The following CPXCR1 variants were observed in gnomAD, a reference collection of about 807,000 sequenced individuals.
The protein encoded by CPXCR1 is CPX chromosomal region candidate gene 1 protein.
CPXCR1 carries 15 observed loss-of-function variants against 13.8 expected under a neutral mutation model. The ratio of observed to expected loss-of-function variants is 1.09; its 90% CI spans 0.73 to 1.67. CPXCR1 has a LOEUF of 1.67. CPXCR1 is among the 40% of genes most tolerant of loss of function. CPXCR1 has a pLI of 0.00. For synonymous variants in CPXCR1, 70 were observed against 76.7 expected (o/e 0.91, Z 0.46); for missense variants, 247 against 223.6 (o/e 1.10, Z -0.67).
In CPXCR1 at chrX:88,747,246, G is replaced by C. The variant is rs770074695; in HGVS notation, c.-238G>C. On this transcript the variant is annotated 5_prime_UTR_variant, in exon 1 of 3. Transcript: ENST00000276127. ...AAACAGGAGTAAGTGGAGAGGTAGA[G>C]GGCAGAAGAAAAGGGGTCAAGAAGG... is the stretch of plus-strand genomic sequence containing the variant. The C allele has an allele frequency of 8.9e-6, 1 of 112,008 alleles. No individual in the cohort carries two copies. Among genetic ancestry groups the C allele is most frequent in the African/African-American group, 3.2e-5 (1 of 30,800 alleles). The allele number at this position is 112,008 out of a possible 1,213,427, so 9.2% of individuals were successfully genotyped here.
chrX:88,750,784 T>C (rs773297660), intron 2 of CPXCR1, among the ~76,000 whole-genome samples: 1 of 111,894 alleles, frequency 8.9e-6, no homozygotes, highest in African/African-American at 3.2e-5. Flanking sequence ...ATTCGACTTC[T>C]TCCTGGTTTA....
At chrX:88,752,148 C>G (rs187178247) in intron 2 of CPXCR1, among the ~76,000 whole-genome samples, 1 of 111,800 alleles carries the variant, frequency 8.9e-6, no homozygotes, top group Non-Finnish European at 1.9e-5. Context: ...GTTCAAAGTC[C>G]TCTCATAGAG....
rs375625114 is a variant in CPXCR1, at chrX:88,754,013, C to T, written c.599C>T (p.Ser200Leu). The T allele has an allele frequency of 2.5e-5, 30 of 1,207,838 alleles. No individual in the cohort carries two copies. The highest frequency in any genetic ancestry group is 2.2e-4 in the Admixed American group (10 of 45,494). Residue 200 changes from serine (S) to leucine (L), a missense_variant, in exon 3 of 3, where the codon TCG becomes TTG. By Grantham distance (145) the Ser-to-Leu change is moderately radical. Coordinates refer to ENST00000276127, the MANE Select transcript of CPXCR1 (RefSeq NM_033048.6). ...HERAITFRRP[S>L]RVHYYRPLTE... is the part of the protein sequence containing the mutation. The stretch of plus-strand genomic sequence containing the variant: ...AGAGCCATAACATTTAGAAGGCCTT[C>T]GAGGGTGCACTACTACCGTCCCCTC...
At chrX:88,749,596 G>A (rs1602838476) in intron 2 of CPXCR1, among the ~76,000 whole-genome samples, 173 bp downstream of exon 2, 1 of 110,709 alleles carries the variant, frequency 9.0e-6, no homozygotes, top group Middle Eastern at 4.7e-3. Context: ...ATATGCCTGT[G>A]AAATGATCAG....
Position 88,753,534 on chromosome X carries a change from G to A in CPXCR1, c.120G>A (p.Met40Ile), listed in dbSNP as rs1005317634. The stretch of plus-strand genomic sequence containing the variant: ...AGTCTCCATCTGCTGATCCCAATAT[G>A]ATCTATCAGGTAGAAACCAACCCAA... ...DIESPSADPN[M>I]IYQVETNPIN... Residue 40 changes from methionine to isoleucine, a missense_variant, in exon 3 of 3, where the codon ATG becomes ATA. Coordinates refer to ENST00000276127, the MANE Select transcript of CPXCR1 (RefSeq NM_033048.6). The A allele has an allele frequency of 3.3e-6, 4 of 1,208,022 alleles. No individual in the cohort carries two copies. The highest frequency in any genetic ancestry group is 4.5e-6 in the Non-Finnish European group (4 of 893,501).
At position 88,753,700 on chromosome X, in the gene CPXCR1, A is replaced by G; in HGVS notation, c.286A>G (p.Ile96Val). The change falls in exon 3 of 3, where the codon ATT becomes GTT. Residue 96 changes from isoleucine to valine, a missense_variant. Transcript: ENST00000276127. ...KEELLLLQTP[I>V]PRKLVSHKPL... ...AGAGCTTCTTCTACTTCAGACCCCC[A>G]TTCCCAGAAAATTGGTCTCTCACAA... 1 of 1,210,547 alleles carries G rather than the reference A, an allele frequency of 8.3e-7. No individual in the cohort carries two copies. Among genetic ancestry groups the G allele is most frequent in the Non-Finnish European group, 1.1e-6 (1 of 894,746 alleles).
chrX:88,753,970 A>C lies in CPXCR1; in HGVS notation c.556A>C (p.Ser186Arg). ...KYIACLYHPN[S>R]FTHHERAITF... ...TATAGCATGTCTTTACCATCCAAAT[A>C]GTTTCACCCATCACGAGAGAGCCAT... The change falls in exon 3 of 3, where the codon AGT (serine) becomes CGT (arginine). Residue 186 changes from serine to arginine, a missense_variant. Ser to Arg is a moderately radical substitution (Grantham distance 110). Coordinates refer to ENST00000276127, the MANE Select transcript of CPXCR1 (RefSeq NM_033048.6). The C allele has an allele frequency of 8.3e-7, 1 of 1,209,461 alleles. No individual in the cohort carries two copies. The highest frequency in any genetic ancestry group is 1.1e-6 in the Non-Finnish European group (1 of 893,872).
chrX:88,748,847 T>G (rs1231308327), intron 1 of CPXCR1, among the ~76,000 whole-genome samples: 2 of 109,745 alleles, frequency 1.8e-5, no homozygotes, highest in Non-Finnish European at 3.8e-5. Flanking sequence ...TTTTTTCTTT[T>G]TTTTTTGTCT....
Position 88,754,154 on chromosome X carries a change from T to C in CPXCR1, c.740T>C (p.Ile247Thr). Residue 247 changes from isoleucine (I) to threonine (T), a missense_variant, in exon 3 of 3, where the codon ATT becomes ACT. Physicochemically the swap from Ile to Thr is moderately conservative, Grantham distance 89. Transcript: ENST00000276127. ...LFVSQIQIES[I>T]FNIKGFVDIL... ...GTGTCACAGATACAAATTGAAAGTATTTTTAATATAAAAGGTTTTGTGGAT... is the reference window on the plus strand; with the variant it reads ...GTGTCACAGATACAAATTGAAAGTACTTTTAATATAAAAGGTTTTGTGGAT... The C allele has an allele frequency of 2.5e-6, 3 of 1,195,315 alleles. No homozygotes were observed. The highest frequency in any genetic ancestry group is 3.4e-6 in the Non-Finnish European group (3 of 883,251).
intron 1 of CPXCR1, among the ~76,000 whole-genome samples, chrX:88,748,309 T>C (rs1291612300): frequency 9.4e-6 from 1 of 106,904 alleles, no homozygotes; most frequent in Non-Finnish European, 1.9e-5. Flanking sequence ...TTAATATATA[T>C]TAAAATTTAT....
rs1157384649 is a variant in CPXCR1, at chrX:88,754,389, C to T, written c.*69C>T. ...TCATAATTTGACTACTAAAGTAAGACAAAATTGCATGAACATAAATTTTAG... is the reference window on the plus strand; with the variant it reads ...TCATAATTTGACTACTAAAGTAAGATAAAATTGCATGAACATAAATTTTAG... On this transcript the variant is annotated 3_prime_UTR_variant, in exon 3 of 3. Transcript: ENST00000276127. 2.8e-6 allele frequency: 2 copies of T among 709,628 alleles called. No homozygotes were observed. Among genetic ancestry groups the T allele is most frequent in the South Asian group, 3.6e-5 (1 of 27,886 alleles). 58.5% of individuals were successfully genotyped at this position (709,628 alleles called of 1,213,427 possible). A position where few individuals can be genotyped will look rare whatever the true frequency, so the allele number is the denominator to read the frequency against.
At chrX:88,751,397 T>A (rs1194444701) in intron 2 of CPXCR1, among the ~76,000 whole-genome samples, 1 of 112,318 alleles carries the variant, frequency 8.9e-6, no homozygotes, top group East Asian at 2.8e-4. Flanking sequence ...TTCTTAATCT[T>A]GGGTTCTAAT....
At chrX:88,751,203 A>G (rs1602839803) in intron 2 of CPXCR1, among the ~76,000 whole-genome samples, 1 of 111,606 alleles carries the variant, frequency 9.0e-6, no homozygotes, top group African/African-American at 3.3e-5. Flanking sequence ...TCTTGTGGGC[A>G]TTTAGTGCTA....
intron 2 of CPXCR1, among the ~76,000 whole-genome samples, chrX:88,752,947 A>G (rs758543772): frequency 3.6e-5 from 4 of 111,430 alleles, no homozygotes; most frequent in African/African-American, 6.5e-5. Context: ...ATTTTCACAT[A>G]GGTCTTAATT....
chrX:88,754,555 TGA>T lies in CPXCR1; in HGVS notation c.*237_*238del, dbSNP rs940192499. On this transcript the variant is annotated 3_prime_UTR_variant, in exon 3 of 3. Transcript: ENST00000276127. ...GAAATATCAGACCTGTCATCTATAT[TGA>T]GTCAGCATTTGAACCAAGTAAATGT... The T allele has an allele frequency of 3.5e-6, 1 of 284,148 alleles. No homozygotes were observed. The highest frequency in any genetic ancestry group is 2.8e-5 in the African/African-American group (1 of 36,237). The allele number at this position is 284,148 out of a possible 1,213,427, so 23.4% of individuals were successfully genotyped here. A position where few individuals can be genotyped will look rare whatever the true frequency, so the allele number is the denominator to read the frequency against.
chrX:88,754,103 G>A lies in CPXCR1; in HGVS notation c.689G>A (p.Arg230His), dbSNP rs201235906. 231 of 1,204,104 alleles carry A rather than the reference G, an allele frequency of 1.9e-4. No homozygotes were observed. The highest frequency in any genetic ancestry group is 2.5e-4 in the Non-Finnish European group (219 of 890,676). ...GACACTAAAGGGAAATGTAGATTCC[G>A]TGCTATTGTGAGGTCTGTGCTCTTT... ...STDTKGKCRF[R>H]AIVRSVLFVS... Residue 230 changes from arginine (R) to histidine (H), a missense_variant, in exon 3 of 3, where the codon CGT (arginine) becomes CAT (histidine). Transcript: ENST00000276127.
At chrX:88,750,184 A>G (rs768747895) in intron 2 of CPXCR1, among the ~76,000 whole-genome samples, 6 of 111,270 alleles carry the variant, frequency 5.4e-5, no homozygotes, top group Admixed American at 9.6e-5. Context: ...GTTTTTGCCC[A>G]TTCAGTATTA....
chrX:88,749,860 A>G (rs1488486116), intron 2 of CPXCR1, among the ~76,000 whole-genome samples: 1 of 108,010 alleles, frequency 9.3e-6, no homozygotes, highest in Non-Finnish European at 1.9e-5. Context: ...AAGATACGAG[A>G]TAAACTTCAA....
At chrX:88,752,524 TTTTATTTA>T (rs58707373) in intron 2 of CPXCR1, among the ~76,000 whole-genome samples, 4,953 of 96,827 alleles carry the variant, frequency 0.051, 331 homozygotes, top group African/African-American at 0.17. Flanking sequence ...TATTTATCCA[TTTTATTTA>T]TTTATTTATT....
Sources: allele counts gnomAD v4.1 joint callset (sites outside exome capture counted in the v4.1 genomes callset), GRCh38; gene constraint gnomAD v4.1.1; transcripts MANE v1.5; gene names NCBI Gene and HGNC (gene_info 2026-07-23, HGNC 2026-07-21).